The following ERGIC1 variants were observed in gnomAD, a reference collection of about 807,000 sequenced individuals.
The protein encoded by ERGIC1 is endoplasmic reticulum-golgi intermediate compartment 1, also known as endoplasmic reticulum-Golgi intermediate compartment protein 1.
ERGIC1 carries 19 observed loss-of-function variants against 38.3 expected under a neutral mutation model. The ratio of observed to expected loss-of-function variants is 0.50; its 90% CI spans 0.35 to 0.73. The LOEUF (loss-of-function observed/expected upper bound fraction) is 0.73. ERGIC1 is among the 30% of genes least tolerant of loss of function. ERGIC1 has a pLI of 0.01. For missense variants in ERGIC1, 294 were observed against 389.2 expected, an observed-to-expected ratio of 0.76 and a Z score of 2.06; for synonymous variants, 124 against 157.6, an observed-to-expected ratio of 0.79 and a Z score of 1.60.
intron 1 of ERGIC1, among the ~76,000 whole-genome samples, chr5:172,857,581 T>A (rs968028396): frequency 9.3e-5 from 12 of 129,330 alleles, no homozygotes; most frequent in African/African-American, 2.7e-4. Flanking sequence ...AATGGGCTAA[T>A]AATGGTGCCC....
intron 1 of ERGIC1, among the ~76,000 whole-genome samples, chr5:172,858,979 G>A (rs1761628169): frequency 6.6e-6 from 1 of 152,242 alleles, no homozygotes; most frequent in African/African-American, 2.4e-5. Flanking sequence ...GAGCTGTGCT[G>A]AGGACGTGAT....
intron 9 of ERGIC1, among the ~76,000 whole-genome samples, chr5:172,941,124 C>CA (rs1463380039): frequency 6.6e-6 from 1 of 152,012 alleles, no homozygotes; most frequent in Admixed American, 6.6e-5. Flanking sequence ...ACTAAAAATA[C>CA]AAAAAATAGC....
At chr5:172,915,344 G>A (rs1763334345) in intron 5 of ERGIC1, 1 of 467,442 alleles carries the variant, frequency 2.1e-6, no homozygotes, top group African/African-American at 2.0e-5. Context: ...CAGCGTTCCT[G>A]GGCTGGTGGG....
intron 1 of ERGIC1, among the ~76,000 whole-genome samples, chr5:172,845,938 G>A (rs1008727443): frequency 3.3e-5 from 5 of 152,036 alleles, no homozygotes; most frequent in South Asian, 2.1e-4. Context: ...GCAGTTTCTC[G>A]GTCGGTCCCT....
intron 1 of ERGIC1, among the ~76,000 whole-genome samples, chr5:172,875,670 C>G (rs1347843378): frequency 6.6e-6 from 1 of 152,158 alleles, no homozygotes; most frequent in Non-Finnish European, 1.5e-5. Context: ...TCACGGCTCA[C>G]TAAAGCTCAA....
intron 9 of ERGIC1, among the ~76,000 whole-genome samples, chr5:172,941,440 T>C (rs924764796): frequency 1.3e-5 from 2 of 152,110 alleles, no homozygotes; most frequent in African/African-American, 4.8e-5. Flanking sequence ...AAACTGAGGC[T>C]CAGAGAGGTG....
intron 1 of ERGIC1, among the ~76,000 whole-genome samples, chr5:172,862,269 G>A (rs1229119930): frequency 4.0e-5 from 5 of 124,900 alleles, no homozygotes; most frequent in South Asian, 2.7e-4. Flanking sequence ...TTACAGGCGT[G>A]AGCCACCTTG....
chr5:172,949,385 G>A (rs1414676291), intron 9 of ERGIC1, among the ~76,000 whole-genome samples: 1 of 152,228 alleles, frequency 6.6e-6, no homozygotes, highest in East Asian at 1.9e-4. Flanking sequence ...AATAGTCTAA[G>A]AATAGTACCT....
rs138083225 is a variant in ERGIC1 at position 172,905,640 on chromosome 5, G to C, written c.156-4027G>C. Among the ~76,000 whole-genome samples the C allele has an allele frequency of 3.4e-3, 520 of 152,382 alleles. 2 individuals are homozygous for C. The highest frequency in any genetic ancestry group is 0.012 in the African/African-American group (506 of 41,598). On this transcript the variant is annotated intron_variant, in intron 3 of 9. Coordinates refer to ENST00000393784, the MANE Select transcript of ERGIC1 (RefSeq NM_001031711.3). ...CGGCAATGGGAGCCTCGCTGAATAAGCACAGCGGACACCCTGCCGGATCCA... is the reference window on the plus strand; with the variant it reads ...CGGCAATGGGAGCCTCGCTGAATAACCACAGCGGACACCCTGCCGGATCCA...
At chr5:172,937,999 A>G (rs1305595994) in intron 9 of ERGIC1, 3 of 148,698 alleles carry the variant, frequency 2.0e-5, no homozygotes, top group Non-Finnish European at 3.0e-5. Context: ...CTCCGTCTCA[A>G]AAAAAAAAAA....
rs1761064376 is a variant in ERGIC1 at position 172,837,494 on chromosome 5, C to G, written c.20+3061C>G. Among the ~76,000 whole-genome samples, 1 of 152,208 alleles carries G rather than the reference C, an allele frequency of 6.6e-6. No individual in the cohort carries two copies. The highest frequency in any genetic ancestry group is 1.9e-4 in the East Asian group (1 of 5,200). ...GCTCCTGAGGGCAAGAAGTTTTTAT[C>G]AGGCTTCTTCAAGGTTGCATCTCCA... On this transcript the variant is annotated intron_variant, in intron 1 of 9. Transcript: ENST00000393784. The surrounding 1 kb of genome is among the most constrained non-coding windows in gnomAD (Gnocchi z 4.3).
chr5:172,947,401 C>T (rs1228659958), intron 9 of ERGIC1, among the ~76,000 whole-genome samples: 1 of 152,122 alleles, frequency 6.6e-6, no homozygotes, highest in East Asian at 1.9e-4. Context: ...TGGGCTCAAG[C>T]TCCTGGACTC....
rs947021920 is a variant in ERGIC1 at position 172,930,869 on chromosome 5, C to G, written c.542-1567C>G. On this transcript the variant is annotated intron_variant, in intron 7 of 9. Transcript: ENST00000393784. Reference sequence around the variant, plus strand: ...TGTCTTTTTATTCCAAATGATTCGACTGCTTCTGACATCTGAGAACCATTA... The same window carrying G: ...TGTCTTTTTATTCCAAATGATTCGAGTGCTTCTGACATCTGAGAACCATTA... 6.6e-5 allele frequency among the ~76,000 whole-genome samples: 10 copies of G among 152,294 alleles called. 1 individual carries two copies. Among genetic ancestry groups the G allele is most frequent in the Admixed American group, 1.3e-4 (2 of 15,298 alleles).
intron 4 of ERGIC1, among the ~76,000 whole-genome samples, chr5:172,910,517 C>A (rs1224042929): frequency 3.9e-5 from 3 of 76,752 alleles, no homozygotes; most frequent in East Asian, 2.3e-4. Flanking sequence ...GAATGAATTA[C>A]TTCTTTTTTT....
chr5:172,929,922 T>C (rs1763736654), intron 7 of ERGIC1, among the ~76,000 whole-genome samples: 1 of 152,186 alleles, frequency 6.6e-6, no homozygotes, highest in Admixed American at 6.5e-5. Context: ...GCGCGGTGGC[T>C]AACGCCTGTA....
At chr5:172,881,938 C>G (rs766641374) in intron 1 of ERGIC1, among the ~76,000 whole-genome samples, 4 of 152,222 alleles carry the variant, frequency 2.6e-5, no homozygotes, top group Non-Finnish European at 5.9e-5. Context: ...GAGAGCTGGT[C>G]ACAACTGGTC....
intron 1 of ERGIC1, among the ~76,000 whole-genome samples, chr5:172,857,663 T>C (rs1050648603): frequency 1.5e-5 from 2 of 136,498 alleles, no homozygotes; most frequent in Admixed American, 1.7e-4. Context: ...GGCTCAGCCA[T>C]GGCCACGTGG....
At chr5:172,858,625 T>C (rs1444673260) in intron 1 of ERGIC1, among the ~76,000 whole-genome samples, 1 of 152,184 alleles carries the variant, frequency 6.6e-6, no homozygotes, top group African/African-American at 2.4e-5. Flanking sequence ...CCCTGATGAT[T>C]GATTCTAATC....
intron 9 of ERGIC1, among the ~76,000 whole-genome samples, chr5:172,943,872 G>T (rs1051121482): frequency 6.6e-6 from 1 of 152,152 alleles, no homozygotes; most frequent in Non-Finnish European, 1.5e-5. Context: ...GCTCCAGTGC[G>T]GCTGGAACAC....
Sources: allele counts gnomAD v4.1 joint callset (sites outside exome capture counted in the v4.1 genomes callset), GRCh38; gene constraint gnomAD v4.1.1; non-coding constraint Gnocchi (gnomAD v3.1); transcripts MANE v1.5; gene names NCBI Gene and HGNC (gene_info 2026-07-23, HGNC 2026-07-21).